Variants in SLCO2B1 observed in about 807,000 individuals in gnomAD.
SLCO2B1 encodes the protein OATP-RP2.
In SLCO2B1, 41 loss-of-function variants were observed where a neutral mutation model predicts 67.3. That is an observed-to-expected ratio of 0.61 (90% CI 0.47 to 0.79). The LOEUF is 0.79. Ranked by LOEUF, SLCO2B1 falls within the 30% of genes least tolerant of loss-of-function variation. SLCO2B1 has a pLI of 0.00. For synonymous variants in SLCO2B1, 379 were observed against 381.4 expected, an observed-to-expected ratio of 0.99 and a Z score of 0.07; for missense variants, 837 against 920.1, an observed-to-expected ratio of 0.91 and a Z score of 1.17.
At chr11:75,170,042 G>A in intron 6 of SLCO2B1, 1 of 396,934 alleles carries the variant, frequency 2.5e-6, no homozygotes, top group Non-Finnish European at 4.6e-6. Flanking sequence ...ATTACTGGGA[G>A]TCTTCGCCTT....
At chr11:75,188,038 C>T in intron 7 of SLCO2B1, 98 bp from the exon 8 acceptor site, 1 of 733,536 alleles carries the variant, frequency 1.4e-6, no homozygotes. Flanking sequence ...GGGCTCTCAC[C>T]CTCTCCTCTC....
chr11:75,179,016 T>C (rs1950060731), intron 7 of SLCO2B1, among the ~76,000 whole-genome samples: 1 of 152,194 alleles, frequency 6.6e-6, no homozygotes, highest in Admixed American at 6.5e-5. Flanking sequence ...ATTCATCCAT[T>C]GATGGACTCT....
At chr11:75,180,542 C>G (rs1950080589) in intron 7 of SLCO2B1, among the ~76,000 whole-genome samples, 1 of 152,156 alleles carries the variant, frequency 6.6e-6, no homozygotes, top group South Asian at 2.1e-4. Context: ...CCATTCTACT[C>G]TATTTTAATA....
Position 75,163,958 on chromosome 11 carries a change from C to T in SLCO2B1, c.148-5C>T, listed in dbSNP as rs374178603. On this transcript the variant is annotated splice_region_variant and splice_polypyrimidine_tract_variant and intron_variant, in intron 2 of 13. Coordinates refer to ENST00000289575, the MANE Select transcript of SLCO2B1 (RefSeq NM_007256.5). The stretch of plus-strand genomic sequence containing the variant: ...ACCTCTGCCTGCCTCCGGGTCCCCC[C>T]ACAGCTGTTCGTTCTGTGCCACAGC... 2 of 1,595,474 alleles carry T rather than the reference C, an allele frequency of 1.3e-6. No individual in the cohort carries two copies. Among genetic ancestry groups the T allele is most frequent in the Non-Finnish European group, 1.7e-6 (2 of 1,171,376 alleles).
intron 8 of SLCO2B1, among the ~76,000 whole-genome samples, chr11:75,189,819 G>A (rs193040370): frequency 2.6e-5 from 4 of 152,014 alleles, no homozygotes; most frequent in Admixed American, 6.6e-5. Flanking sequence ...AGAATTAGCC[G>A]GGCTTGGTGG....
chr11:75,188,702 CAG>C (rs1284977155), intron 8 of SLCO2B1, among the ~76,000 whole-genome samples: 2 of 152,134 alleles, frequency 1.3e-5, no homozygotes, highest in Admixed American at 6.5e-5. Flanking sequence ...CTCCAGCAGA[CAG>C]AGACTTCATT....
chr11:75,169,233 C>T lies in SLCO2B1; in HGVS notation c.509C>T (p.Ser170Leu), dbSNP rs778535776. ...CTGCCCACAACCTCGGCCCCAGCCTCGGCCCCCTCCAATGGCAACTGCTCA... is the reference window on the plus strand; with the variant it reads ...CTGCCCACAACCTCGGCCCCAGCCTTGGCCCCCTCCAATGGCAACTGCTCA... The part of the protein sequence containing the change: ...LCLPTTSAPA[S>L]APSNGNCSSY... The change falls in exon 5 of 14, where the codon TCG (serine) becomes TTG (leucine). Residue 170 changes from serine (S) to leucine (L), a missense_variant. Physicochemically the swap from Ser to Leu is moderately radical, Grantham distance 145. Coordinates refer to ENST00000289575, the MANE Select transcript of SLCO2B1 (RefSeq NM_007256.5). The T allele has an allele frequency of 1.1e-5, 17 of 1,614,048 alleles. No individual in the cohort carries two copies. The South Asian group carries it at 1.2e-4, about 11-fold the overall frequency.
At chr11:75,164,503 G>A (rs1160507565) in intron 3 of SLCO2B1, among the ~76,000 whole-genome samples, 1 of 152,064 alleles carries the variant, frequency 6.6e-6, no homozygotes, top group African/African-American at 2.4e-5. Context: ...GGATGGTCGC[G>A]GGAGGGATAC....
At chr11:75,195,431 G>A (rs1248782912) in intron 9 of SLCO2B1, among the ~76,000 whole-genome samples, 1 of 151,996 alleles carries the variant, frequency 6.6e-6, no homozygotes, top group Non-Finnish European at 1.5e-5. Context: ...TGGCAGAGGA[G>A]GAAGAGGAAA....
In SLCO2B1 at chr11:75,203,421, G is replaced by A. The variant is rs547836651; in HGVS notation, c.1943G>A (p.Arg648Gln). The change falls in exon 13 of 14, where the codon CGA becomes CAA. Residue 648 changes from arginine to glutamine, a missense_variant. By Grantham distance (43) the Arg-to-Gln change is conservative. Coordinates refer to ENST00000289575, the MANE Select transcript of SLCO2B1 (RefSeq NM_007256.5). ...VCRYYNNDLL[R>Q]NRFIGLQFFF... Reference sequence around the variant, plus strand: ...CGCTACTACAATAATGACCTGCTCCGAAACCGGTGAGACCTGGTTTGATGG... The same window carrying A: ...CGCTACTACAATAATGACCTGCTCCAAAACCGGTGAGACCTGGTTTGATGG... 73 of 1,614,130 alleles carry A rather than the reference G, an allele frequency of 4.5e-5. No individual in the cohort carries two copies. The highest frequency in any genetic ancestry group is 1.6e-4 in the East Asian group (7 of 44,884).
At chr11:75,167,942 G>A (rs1301443219) in intron 4 of SLCO2B1, among the ~76,000 whole-genome samples, 1 of 141,442 alleles carries the variant, frequency 7.1e-6, no homozygotes, top group African/African-American at 2.6e-5. Context: ...CACCTAGGCT[G>A]GAGTGCAGTG....
At chr11:75,174,263 C>G (rs1341914363) in intron 7 of SLCO2B1, among the ~76,000 whole-genome samples, 2 of 151,608 alleles carry the variant, frequency 1.3e-5, no homozygotes, top group East Asian at 3.9e-4. Flanking sequence ...AAGTAACTTA[C>G]TTGTTGCTAA....
chr11:75,200,131 T>C (rs2140345280), intron 10 of SLCO2B1, 93 bp from the exon 11 acceptor site: 1 of 1,342,320 alleles, frequency 7.4e-7, no homozygotes, highest in Non-Finnish European at 1.0e-6. Context: ...CTGTGGAACT[T>C]GGGCCTCTCA....
At chr11:75,174,280 C>T (rs1199072506) in intron 7 of SLCO2B1, among the ~76,000 whole-genome samples, 2 of 150,408 alleles carry the variant, frequency 1.3e-5, no homozygotes, top group Non-Finnish European at 2.9e-5. Context: ...CTAAGTAATT[C>T]TAATTTCAAA....
At chr11:75,172,308 T>C (rs1051967260) in intron 6 of SLCO2B1, 71 bp from the exon 7 acceptor site, 1 of 1,426,708 alleles carries the variant, frequency 7.0e-7, no homozygotes, top group East Asian at 2.3e-5. Context: ...CAGAGGCCAG[T>C]CCCAGGATGG....
In SLCO2B1 at chr11:75,172,465, G is replaced by A. The variant is rs1281835753; in HGVS notation, c.868G>A (p.Ala290Thr). ...CATCGCTGCCGGTGCAGTGGCCCTG[G>A]CTGCCATCCCCTACTTCTTCTTCCC... ...FLIAAGAVAL[A>T]AIPYFFFPKE... The change falls in exon 7 of 14, where the codon GCT becomes ACT. Residue 290 changes from alanine (A) to threonine (T), a missense_variant. Coordinates refer to ENST00000289575, the MANE Select transcript of SLCO2B1 (RefSeq NM_007256.5). 6.2e-7 allele frequency: 1 copy of A among 1,614,152 alleles called. No individual in the cohort carries two copies. Among genetic ancestry groups the A allele is most frequent in the Admixed American group, 1.7e-5 (1 of 60,016 alleles).
At chr11:75,184,065 C>G (rs1037823637) in intron 7 of SLCO2B1, among the ~76,000 whole-genome samples, 2 of 152,172 alleles carry the variant, frequency 1.3e-5, no homozygotes, top group Non-Finnish European at 2.9e-5. Flanking sequence ...CTCTGAGGAC[C>G]CTTTGCCTGT....
Position 75,205,151 on chromosome 11 carries a change from T to A in SLCO2B1, c.*571T>A, listed in dbSNP as rs1945251640. On this transcript the variant is annotated 3_prime_UTR_variant, in exon 14 of 14. Transcript: ENST00000289575. ...GGAGGCAGAGCACTGAGCTGGACCC[T>A]GGGTAGACTCCCACAGGGAGGACGG... The A allele has an allele frequency of 6.6e-6, 1 of 152,462 alleles. No homozygotes were observed. The highest frequency in any genetic ancestry group is 1.5e-5 in the Non-Finnish European group (1 of 68,244). The allele number at this position is 152,462 out of a possible 1,614,324, so 9.4% of individuals were successfully genotyped here. A position where few individuals can be genotyped will look rare whatever the true frequency, so the allele number is the denominator to read the frequency against.
In SLCO2B1 at chr11:75,203,434, C is replaced by T. The variant is rs77594259; in HGVS notation, c.1949+7C>T. 506 of 1,613,992 alleles carry T rather than the reference C, an allele frequency of 3.1e-4. 1 individual carries two copies. In the African/African-American group the frequency reaches 5.0e-3, roughly 16 times the overall value. Reference sequence around the variant, plus strand: ...ATGACCTGCTCCGAAACCGGTGAGACCTGGTTTGATGGCTTGTGGGAAGGG... The same window carrying T: ...ATGACCTGCTCCGAAACCGGTGAGATCTGGTTTGATGGCTTGTGGGAAGGG... On this transcript the variant is annotated splice_region_variant and intron_variant, in intron 13 of 13. Transcript: ENST00000289575.
Sources: allele counts gnomAD v4.1 joint callset (sites outside exome capture counted in the v4.1 genomes callset), GRCh38; gene constraint gnomAD v4.1.1; transcripts MANE v1.5; gene names NCBI Gene and HGNC (gene_info 2026-07-23, HGNC 2026-07-21).